The following SLC17A6 variants were observed in gnomAD, a reference collection of about 807,000 sequenced individuals.
SLC17A6 encodes vesicular glutamate transporter 2.
Under a neutral mutation model 67.1 loss-of-function variants are expected in SLC17A6, and 35 were observed. That is an observed-to-expected ratio of 0.52 (90% CI 0.40 to 0.69). SLC17A6 has a LOEUF of 0.69. SLC17A6 is among the 30% of genes least tolerant of loss of function. SLC17A6 has a pLI of 0.00. For missense variants in SLC17A6, 588 were observed against 723.9 expected (o/e 0.81, Z 2.15); for synonymous variants, 285 against 252.3 (o/e 1.13, Z -1.23).
intron 3 of SLC17A6, among the ~76,000 whole-genome samples, chr11:22,344,416 A>G (rs1313272466): frequency 6.6e-6 from 1 of 152,026 alleles, no homozygotes; most frequent in African/African-American, 2.4e-5. Context: ...GTCAATTACT[A>G]TCCCTTTCAC....
rs1163375137 is a variant in SLC17A6, at chr11:22,377,986, T to C, written c.*246T>C. ...TGACTTAAAGGTTGACTGGTCAAAA[T>C]TGTAGAAACAAGTAGTTACCCATTG... On this transcript the variant is annotated 3_prime_UTR_variant, in exon 12 of 12. Transcript: ENST00000263160. 4 of 500,366 alleles carry C rather than the reference T, an allele frequency of 8.0e-6. No individual in the cohort carries two copies. The highest frequency in any genetic ancestry group is 1.4e-5 in the Non-Finnish European group (4 of 286,782). The allele number at this position is 500,366 out of a possible 1,614,324, so 31.0% of individuals were successfully genotyped here. A position where few individuals can be genotyped will look rare whatever the true frequency, so the allele number is the denominator to read the frequency against.
chr11:22,341,645 C>T lies in SLC17A6; in HGVS notation c.204C>T (p.Pro68=). 1 of 1,614,204 alleles carries T rather than the reference C, an allele frequency of 6.2e-7. No homozygotes were observed. The highest frequency in any genetic ancestry group is 8.5e-7 in the Non-Finnish European group (1 of 1,180,048). ...PLCDCTCFGL[P]RRYIIAIMSG... The stretch of plus-strand genomic sequence containing the variant: ...GCGACTGCACGTGCTTCGGCCTGCC[C>T]CGCCGCTACATTATCGCCATCATGA... The change falls in exon 2 of 12, where the codon CCC becomes CCT. Residue 68 remains proline, a synonymous_variant. Coordinates refer to ENST00000263160, the MANE Select transcript of SLC17A6 (RefSeq NM_020346.3).
chr11:22,372,832 A>C (rs577309929), intron 8 of SLC17A6, among the ~76,000 whole-genome samples: 1 of 152,290 alleles, frequency 6.6e-6, no homozygotes, highest in South Asian at 2.1e-4. Flanking sequence ...GGTTTTGATC[A>C]TTTTGATCAT....
chr11:22,362,550 T>C (rs1169517132), intron 5 of SLC17A6, among the ~76,000 whole-genome samples, 189 bp from the exon 6 acceptor site: 2 of 152,178 alleles, frequency 1.3e-5, no homozygotes, highest in Non-Finnish European at 2.9e-5. Flanking sequence ...TATCCACTTG[T>C]GTAATCCCGT....
chr11:22,354,117 CTT>C (rs1247391521), intron 3 of SLC17A6, among the ~76,000 whole-genome samples: 2 of 151,070 alleles, frequency 1.3e-5, no homozygotes, highest in Admixed American at 6.6e-5. Flanking sequence ...GAGTTTTGCT[CTT>C]GTTGCCCAGG....
intron 1 of SLC17A6, among the ~76,000 whole-genome samples, chr11:22,339,254 A>G (rs1278623483): frequency 6.7e-6 from 1 of 149,292 alleles, no homozygotes; most frequent in Non-Finnish European, 1.5e-5. Context: ...AGCATAGTAG[A>G]GAATCCCCTA....
chr11:22,338,756 G>C, intron 1 of SLC17A6, 137 bp downstream of exon 1: 1 of 659,118 alleles, frequency 1.5e-6, no homozygotes. Context: ...TTGGAGCGGG[G>C]GTGCTCTGGA....
At chr11:22,340,397 A>G (rs1246575459) in intron 1 of SLC17A6, among the ~76,000 whole-genome samples, 1 of 152,228 alleles carries the variant, frequency 6.6e-6, no homozygotes, top group African/African-American at 2.4e-5. Flanking sequence ...GAACACTACC[A>G]CCTTTTAGTA....
chr11:22,378,934 T>C lies in SLC17A6; in HGVS notation c.*1194T>C, dbSNP rs12420269. On this transcript the variant is annotated 3_prime_UTR_variant, in exon 12 of 12. Transcript: ENST00000263160. ...GAAACCAAAAATAGCATACACCTAA[T>C]GTTGGGTTAGGGAATTGCAATTTCT... The C allele has an allele frequency of 6.6e-6, 1 of 152,176 alleles. No homozygotes were observed. Among genetic ancestry groups the C allele is most frequent in the African/African-American group, 2.4e-5 (1 of 41,422 alleles). The allele number at this position is 152,176 out of a possible 1,614,324, so 9.4% of individuals were successfully genotyped here.
chr11:22,371,241 G>C (rs1856171802), intron 8 of SLC17A6, among the ~76,000 whole-genome samples: 1 of 152,014 alleles, frequency 6.6e-6, no homozygotes. Context: ...TGTCTGTGCT[G>C]GCAATGGTCT....
chr11:22,346,659 G>A (rs1025711052), intron 3 of SLC17A6, among the ~76,000 whole-genome samples: 12 of 151,358 alleles, frequency 7.9e-5, no homozygotes, highest in Non-Finnish European at 1.3e-4. Flanking sequence ...AAATGTGGGG[G>A]GCAAATTATT....
chr11:22,352,440 C>T (rs970106516), intron 3 of SLC17A6, among the ~76,000 whole-genome samples: 2 of 152,190 alleles, frequency 1.3e-5, no homozygotes, highest in Non-Finnish European at 2.9e-5. Context: ...TGATAAACTG[C>T]TTGAAATAAA....
chr11:22,376,236 GAA>G, intron 10 of SLC17A6, 144 bp downstream of exon 10: 1 of 581,328 alleles, frequency 1.7e-6, no homozygotes, highest in Non-Finnish European at 2.8e-6. Flanking sequence ...ACTAGAAAAT[GAA>G]AAAAATAAAA....
intron 3 of SLC17A6, among the ~76,000 whole-genome samples, chr11:22,348,274 A>C (rs1855900653): frequency 6.6e-6 from 1 of 152,118 alleles, no homozygotes; most frequent in African/African-American, 2.4e-5. Flanking sequence ...TCTCTGAATG[A>C]GTGATTACAA....
Position 22,376,011 on chromosome 11 carries a change from G to T in SLC17A6, c.1204G>T (p.Val402Phe). The change falls in exon 10 of 12, where the codon GTC becomes TTC. Residue 402 changes from valine (V) to phenylalanine (F), a missense_variant. Transcript: ENST00000263160. ...GFGMEATLLL[V>F]VGYSHTRGVA... The stretch of plus-strand genomic sequence containing the variant: ...TGGCATGGAAGCCACACTGCTCCTG[G>T]TCGTTGGCTATTCTCATACTAGAGG... The T allele has an allele frequency of 1.9e-6, 3 of 1,609,596 alleles. No individual in the cohort carries two copies. The highest frequency in any genetic ancestry group is 2.5e-6 in the Non-Finnish European group (3 of 1,177,396).
At chr11:22,354,731 C>T (rs1046802585) in intron 3 of SLC17A6, among the ~76,000 whole-genome samples, 5 of 152,190 alleles carry the variant, frequency 3.3e-5, no homozygotes, top group Non-Finnish European at 5.9e-5. Context: ...AACCATAGTT[C>T]TCTACTTACT....
chr11:22,359,391 G>A lies in SLC17A6; in HGVS notation c.459-22G>A, dbSNP rs186057005. The A allele has an allele frequency of 4.2e-5, 62 of 1,460,712 alleles. No individual in the cohort carries two copies. In the African/African-American group the frequency reaches 7.4e-4, roughly 17 times the overall value. The allele number at this position is 1,460,712 out of a possible 1,614,324, so 90.5% of individuals were successfully genotyped here. On this transcript the variant is annotated intron_variant, in intron 3 of 11. Transcript: ENST00000263160. ...TAAGATGCTGAATCATTTAAACAGT[G>A]TTCTCATCTTTTCTATTTCAGGGTT... is the stretch of plus-strand genomic sequence containing the variant.
chr11:22,374,725 C>A, intron 8 of SLC17A6, 30 bp from the exon 9 acceptor site: 2 of 1,558,592 alleles, frequency 1.3e-6, no homozygotes, highest in South Asian at 2.5e-5. Context: ...ATGGTTATGT[C>A]TATTTCTCTC....
At chr11:22,364,377 A>C (rs1048206870) in intron 6 of SLC17A6, among the ~76,000 whole-genome samples, 9 of 152,090 alleles carry the variant, frequency 5.9e-5, no homozygotes, top group African/African-American at 1.9e-4. Flanking sequence ...TACCTCCTTT[A>C]ACTTTTCTAT....
Sources: allele counts gnomAD v4.1 joint callset (sites outside exome capture counted in the v4.1 genomes callset), GRCh38; gene constraint gnomAD v4.1.1; transcripts MANE v1.5; gene names NCBI Gene and HGNC (gene_info 2026-07-23, HGNC 2026-07-21).